The following EZH2 variants were observed in gnomAD, a reference collection of about 807,000 sequenced individuals.
EZH2 encodes enhancer of zeste 2 polycomb repressive complex 2 subunit.
In EZH2, 18 loss-of-function variants were observed where a neutral mutation model predicts 98.4. The ratio of observed to expected loss-of-function variants is 0.18; its 90% CI spans 0.13 to 0.27. The LOEUF (loss-of-function observed/expected upper bound fraction) is 0.27. Among genes scored for constraint, EZH2 ranks in the 10% least tolerant of loss-of-function variants. The pLI, the probability that EZH2 is intolerant of heterozygous loss-of-function variation, is 1.00. For missense variants in EZH2, 470 were observed against 935.1 expected (o/e 0.50, Z 6.49); for synonymous variants, 338 against 312.3 (o/e 1.08, Z -0.87).
At chr7:148,827,077 C>T (rs765765541) in intron 7 of EZH2, 87 bp downstream of exon 7, 151 of 975,142 alleles carry the variant, frequency 1.5e-4, no homozygotes, top group Non-Finnish European at 1.8e-4. Flanking sequence ...GTGGCTCATC[C>T]GCTACATTGA....
intron 15 of EZH2, among the ~76,000 whole-genome samples, chr7:148,813,506 T>G (rs1472633137): frequency 6.6e-6 from 1 of 151,974 alleles, no homozygotes; most frequent in Non-Finnish European, 1.5e-5. Flanking sequence ...GAAGTAAGTC[T>G]ATAAAAACCT....
intron 1 of EZH2, among the ~76,000 whole-genome samples, chr7:148,856,122 T>C (rs944750731): frequency 6.6e-6 from 1 of 152,102 alleles, no homozygotes; most frequent in African/African-American, 2.4e-5. Flanking sequence ...TTTTATGAGA[T>C]AATCTCATGG....
intron 1 of EZH2, among the ~76,000 whole-genome samples, chr7:148,849,149 T>C (rs76852388): frequency 0.011 from 1,702 of 152,224 alleles, 30 homozygotes; most frequent in African/African-American, 0.039. Context: ...GTTAAATCCA[T>C]GAATTCAGGA....
At position 148,854,025 on chromosome 7, in the gene EZH2, G is replaced by A. The variant is rs563215243; in HGVS notation, c.-7-6720C>T. ...ATCAGCACTGTTCTCTACCAGATAC[G>A]CCCCTACTCCACTTGTGAGAGGTAT... is the stretch of plus-strand genomic sequence containing the variant. On this transcript the variant is annotated intron_variant, in intron 1 of 19. Coordinates refer to ENST00000320356, the MANE Select transcript of EZH2 (RefSeq NM_004456.5). Among the ~76,000 whole-genome samples the A allele has an allele frequency of 3.9e-4, 60 of 152,282 alleles. 1 individual carries two copies. The highest frequency in any genetic ancestry group is 3.7e-3 in the Admixed American group (56 of 15,286).
chr7:148,839,081 G>GAAGGAAGGA (rs1811695794), intron 3 of EZH2, among the ~76,000 whole-genome samples: 1 of 146,424 alleles, frequency 6.8e-6, no homozygotes, highest in South Asian at 2.1e-4. Flanking sequence ...AGGAAGGAAG[G>GAAGGAAGGA]AAGGAAGGAA....
intron 6 of EZH2, 47 bp downstream of exon 6, chr7:148,828,693 G>GA (rs762445310): frequency 6.3e-7 from 1 of 1,577,564 alleles, no homozygotes; most frequent in Non-Finnish European, 8.6e-7. Context: ...TACTGTTTTT[G>GA]AAAGAAAGCT....
chr7:148,871,520 T>C (rs1819395523), intron 1 of EZH2, among the ~76,000 whole-genome samples: 1 of 149,086 alleles, frequency 6.7e-6, no homozygotes, highest in African/African-American at 2.5e-5. Flanking sequence ...AACCTGCATA[T>C]ACAAAAAGCC....
chr7:148,830,804 C>G (rs1302525197), intron 4 of EZH2, among the ~76,000 whole-genome samples: 1 of 152,088 alleles, frequency 6.6e-6, no homozygotes, highest in African/African-American at 2.4e-5. Context: ...AGTTGACATT[C>G]ATAGGAGGAA....
rs753252396 is a variant in EZH2 at position 148,826,473 on chromosome 7, T to C, written c.888A>G (p.Leu296=). 3.2e-6 allele frequency: 5 copies of C among 1,583,572 alleles called. No individual in the cohort carries two copies. In the African/African-American group the frequency reaches 5.4e-5, roughly 17 times the overall value. ...ACGTACAATAATTGCACTTACGATG[T>C]AGGAAGCAGTCATATTTAAAACATC... ...CRRCFKYDCF[L]HRKCNYSFHA... Residue 296 remains leucine, a synonymous_variant, in exon 8 of 20, where the codon CTA becomes CTG. Coordinates refer to ENST00000320356, the MANE Select transcript of EZH2 (RefSeq NM_004456.5).
At chr7:148,865,354 T>C (rs955400788) in intron 1 of EZH2, among the ~76,000 whole-genome samples, 1 of 152,136 alleles carries the variant, frequency 6.6e-6, no homozygotes, top group Non-Finnish European at 1.5e-5. Context: ...AAATCTAACA[T>C]ACATTGAGCA....
chr7:148,872,479 A>G (rs941276858), intron 1 of EZH2, among the ~76,000 whole-genome samples: 3 of 152,254 alleles, frequency 2.0e-5, no homozygotes, highest in Non-Finnish European at 4.4e-5. Context: ...TGATTAATTT[A>G]CTATGGGCTT....
chr7:148,877,066 T>A (rs943493245), intron 1 of EZH2, among the ~76,000 whole-genome samples: 3 of 152,186 alleles, frequency 2.0e-5, no homozygotes, highest in Non-Finnish European at 2.9e-5. Flanking sequence ...ATCAATTATT[T>A]TTTAATAAAA....
intron 15 of EZH2, among the ~76,000 whole-genome samples, chr7:148,813,050 C>CAT (rs1803545786): frequency 1.5e-5 from 2 of 131,556 alleles, no homozygotes. Flanking sequence ...CTACACCCCA[C>CAT]ATACACACAC....
chr7:148,866,539 TATATAC>T (rs1818502234), intron 1 of EZH2, among the ~76,000 whole-genome samples: 1 of 99,366 alleles, frequency 1.0e-5, no homozygotes, highest in African/African-American at 4.2e-5. Flanking sequence ...TATATATACG[TATATAC>T]ATATATATAC....
chr7:148,828,664 G>A lies in EZH2; in HGVS notation c.625+76C>T, dbSNP rs566250698. On this transcript the variant is annotated intron_variant, in intron 6 of 19. Coordinates refer to ENST00000320356, the MANE Select transcript of EZH2 (RefSeq NM_004456.5). ...AAGAAAAAGAGAAAGAAGAAACTAA[G>A]CCCTATTTCTACTCTTTCTACTGTT... 4.0e-5 allele frequency: 60 copies of A among 1,484,148 alleles called. No homozygotes were observed. The African/African-American group carries it at 7.5e-4, about 19-fold the overall frequency. The allele number at this position is 1,484,148 out of a possible 1,614,324, so 91.9% of individuals were successfully genotyped here.
chr7:148,848,207 G>C (rs550001748), intron 1 of EZH2, among the ~76,000 whole-genome samples: 47 of 152,298 alleles, frequency 3.1e-4, no homozygotes, highest in African/African-American at 1.0e-3. Context: ...TAAGAACAAT[G>C]AGAAGCCACT....
chr7:148,830,861 A>G (rs1336143564), intron 4 of EZH2, among the ~76,000 whole-genome samples: 1 of 152,246 alleles, frequency 6.6e-6, no homozygotes, highest in Non-Finnish European at 1.5e-5. Flanking sequence ...ATAGATAAAG[A>G]CTGGACAGTT....
In EZH2 at chr7:148,884,287, C is replaced by A; in HGVS notation, c.-131G>T. 1 of 186,078 alleles carries A rather than the reference C, an allele frequency of 5.4e-6. No individual in the cohort carries two copies. Among genetic ancestry groups the A allele is most frequent in the South Asian group, 1.7e-4 (1 of 5,944 alleles). 11.5% of individuals were successfully genotyped at this position (186,078 alleles called of 1,614,324 possible). A position where few individuals can be genotyped will look rare whatever the true frequency, so the allele number is the denominator to read the frequency against. On this transcript the variant is annotated 5_prime_UTR_variant, in exon 1 of 20. Coordinates refer to ENST00000320356, the MANE Select transcript of EZH2 (RefSeq NM_004456.5). ...TGTCGGACGCGACCGGACCGAGCGC[C>A]AAACGCGGCAGCCCAATCGCCATCG...
intron 3 of EZH2, among the ~76,000 whole-genome samples, chr7:148,839,053 T>TAAGGGAGGAAGG: frequency 9.3e-6 from 1 of 107,814 alleles, no homozygotes; most frequent in African/African-American, 3.7e-5. Context: ...CTCTGTCAAA[T>TAAGGGAGGAAGG]AAGGAAGGAA....
Sources: gnomAD v4.1 joint callset for allele counts (sites outside exome capture counted in the v4.1 genomes callset) on GRCh38, gnomAD v4.1.1 for gene constraint, MANE v1.5 for transcripts, NCBI Gene and HGNC (gene_info 2026-07-23, HGNC 2026-07-21) for gene names.